MYO18B: variants seen among roughly 807,000 people sequenced by gnomAD.
MYO18B encodes the protein unconventional myosin-XVIIIb.
In MYO18B, 204 loss-of-function variants were observed where a neutral mutation model predicts 273.0. That is an observed-to-expected ratio of 0.75 (90% CI 0.67 to 0.84). The LOEUF (loss-of-function observed/expected upper bound fraction) is 0.84. Ranked by LOEUF, MYO18B falls within the 40% of genes least tolerant of loss-of-function variation. The pLI is 0.00. For missense variants in MYO18B, 3,212 were observed against 3,287.6 expected, an observed-to-expected ratio of 0.98 and a Z score of 0.56; for synonymous variants, 1,330 against 1,305.7, an observed-to-expected ratio of 1.02 and a Z score of -0.40.
At chr22:25,908,494 C>G in intron 32 of MYO18B, 62 bp downstream of exon 32, 1 of 1,396,092 alleles carries the variant, frequency 7.2e-7, no homozygotes, top group East Asian at 2.5e-5. Flanking sequence ...TGGATTCCCT[C>G]TTCCTTAGAG....
chr22:25,811,231 C>T (rs2088743374), intron 12 of MYO18B, among the ~76,000 whole-genome samples: 1 of 150,234 alleles, frequency 6.7e-6, no homozygotes, highest in Non-Finnish European at 1.5e-5. Flanking sequence ...CCATGTTGGT[C>T]AGGTTGGTCT....
intron 9 of MYO18B, among the ~76,000 whole-genome samples, chr22:25,780,472 C>G (rs1569008199): frequency 6.6e-6 from 1 of 151,760 alleles, no homozygotes; most frequent in Non-Finnish European, 1.5e-5. Context: ...TGCCTGTAAT[C>G]TCAGCTACTC....
chr22:25,997,058 C>G (rs537408215), intron 40 of MYO18B, among the ~76,000 whole-genome samples: 41 of 152,008 alleles, frequency 2.7e-4, no homozygotes, highest in Non-Finnish European at 5.4e-4. Flanking sequence ...CGCGGTGGCT[C>G]ATGTCTGTAA....
At chr22:25,773,458 G>GTATT (rs373549961) in intron 7 of MYO18B, among the ~76,000 whole-genome samples, 1 of 151,990 alleles carries the variant, frequency 6.6e-6, no homozygotes, top group Non-Finnish European at 1.5e-5. Context: ...GCTACTATGG[G>GTATT]TATTTATTTA....
At chr22:25,817,705 G>A (rs917604160) in intron 12 of MYO18B, among the ~76,000 whole-genome samples, 3 of 152,194 alleles carry the variant, frequency 2.0e-5, no homozygotes, top group Non-Finnish European at 4.4e-5. Flanking sequence ...AACTAAGTCT[G>A]AACAGAATTT....
In MYO18B at chr22:25,955,162, GT is replaced by G; in HGVS notation, c.5971-16del. Reference sequence around the variant, plus strand: ...GCCTCCAACTCCAAGGTGGGCATGTGTCTCTGCCCCTCCCAGGTCCTGGTGA... The same window carrying G: ...GCCTCCAACTCCAAGGTGGGCATGTGCTCTGCCCCTCCCAGGTCCTGGTGA... On this transcript the variant is annotated splice_polypyrimidine_tract_variant and intron_variant, in intron 38 of 43. Coordinates refer to ENST00000335473, the MANE Select transcript of MYO18B (RefSeq NM_032608.7). 1 of 1,581,600 alleles carries G rather than the reference GT, an allele frequency of 6.3e-7. No individual in the cohort carries two copies. Among genetic ancestry groups the G allele is most frequent in the Non-Finnish European group, 8.6e-7 (1 of 1,161,756 alleles).
intron 25 of MYO18B, among the ~76,000 whole-genome samples, chr22:25,878,950 G>A (rs1253294204): frequency 1.3e-5 from 2 of 152,192 alleles, no homozygotes; most frequent in East Asian, 3.8e-4. Flanking sequence ...CCTTTGTCCT[G>A]TTGAAGGAAT....
At chr22:25,792,497 C>CTTTTTTTTTTTTTTTTTTTTTTTTTTT (rs58679561) in intron 11 of MYO18B, among the ~76,000 whole-genome samples, 2 of 107,956 alleles carry the variant, frequency 1.9e-5, no homozygotes, top group Non-Finnish European at 3.4e-5. Flanking sequence ...TTTTTCTTTT[C>CTTTTTTTTTTTTTTTTTTTTTTTTTTT]TTTTTTTTTT....
At position 25,793,026 on chromosome 22, in the gene MYO18B, G is replaced by A. The variant is rs543998067; in HGVS notation, c.2377-4927G>A. Among the ~76,000 whole-genome samples, 5 of 152,320 alleles carry A rather than the reference G, an allele frequency of 3.3e-5. No homozygotes were observed. In the East Asian group the frequency reaches 9.7e-4, roughly 29 times the overall value. ...CGATTAACTTGTTATAGAGTATGGG[G>A]CATCAACTTGGGCAGCAATGGGGAA... On this transcript the variant is annotated intron_variant, in intron 11 of 43. Transcript: ENST00000335473.
At chr22:25,899,814 T>TCAGATGAGTGACTGATGGTC (rs1357095475) in intron 29 of MYO18B, 1 of 151,980 alleles carries the variant, frequency 6.6e-6, no homozygotes, top group Admixed American at 6.6e-5. Context: ...GACTGATGGT[T>TCAGATGAGTGACTGATGGTC]CAGATGGTGC....
chr22:26,057,895 G>A, the MYO18B span, among the ~76,000 whole-genome samples: 3 of 152,140 alleles, frequency 2.0e-5, no homozygotes, highest in African/African-American at 7.2e-5. Flanking sequence ...CAGAGGGAGG[G>A]CAGATAAGTA....
At chr22:25,862,217 A>G (rs753571611) in intron 21 of MYO18B, among the ~76,000 whole-genome samples, 12 of 152,180 alleles carry the variant, frequency 7.9e-5, no homozygotes, top group Non-Finnish European at 1.8e-4. Flanking sequence ...AGATTTTTGT[A>G]TCCTTTGGCG....
chr22:25,966,671 A>T (rs540356435), intron 39 of MYO18B, among the ~76,000 whole-genome samples: 26 of 152,270 alleles, frequency 1.7e-4, no homozygotes, highest in African/African-American at 6.3e-4. Context: ...ATGCTCAGAG[A>T]GCTGACAGGG....
At chr22:25,743,429 G>C (rs1439645388) in intron 1 of MYO18B, among the ~76,000 whole-genome samples, 2 of 152,038 alleles carry the variant, frequency 1.3e-5, no homozygotes, top group East Asian at 3.9e-4. Flanking sequence ...TTAGGCTATG[G>C]ATGAGTTCTA....
chr22:25,883,460 G>A lies in MYO18B; in HGVS notation c.4314+5412G>A, dbSNP rs1378624078. 1 of 152,208 alleles carries A rather than the reference G, an allele frequency of 6.6e-6. No individual in the cohort carries two copies. Among genetic ancestry groups the A allele is most frequent in the Non-Finnish European group, 1.5e-5 (1 of 68,048 alleles). 9.4% of individuals were successfully genotyped at this position (152,208 alleles called of 1,614,324 possible). A position where few individuals can be genotyped will look rare whatever the true frequency, so the allele number is the denominator to read the frequency against. ...TTAGAGATTCTGAATCAGTAGGCTTGGCGTGGCCTTGGGGAGGCTGTATTT... is the reference window on the plus strand; with the variant it reads ...TTAGAGATTCTGAATCAGTAGGCTTAGCGTGGCCTTGGGGAGGCTGTATTT... On this transcript the variant is annotated intron_variant, in intron 25 of 43. Coordinates refer to ENST00000335473, the MANE Select transcript of MYO18B (RefSeq NM_032608.7). This position sits in a 1 kb window ranked among gnomAD's most constrained non-coding sequence, Gnocchi z 7.6.
At chr22:26,039,010 C>T in the MYO18B span, among the ~76,000 whole-genome samples, 1 of 152,152 alleles carries the variant, frequency 6.6e-6, no homozygotes, top group African/African-American at 2.4e-5. Context: ...ATTATTGTGG[C>T]TGTTAATATC....
chr22:26,000,940 A>G (rs1356354289), intron 40 of MYO18B, among the ~76,000 whole-genome samples: 1 of 152,000 alleles, frequency 6.6e-6, no homozygotes, highest in African/African-American at 2.4e-5. Flanking sequence ...AAAATGTAGG[A>G]TTAATAAGCA....
At chr22:25,860,991 C>T (rs191520077) in intron 21 of MYO18B, among the ~76,000 whole-genome samples, 113 of 151,968 alleles carry the variant, frequency 7.4e-4, no homozygotes, top group Middle Eastern at 3.4e-3. Context: ...TGGGCTCAAG[C>T]GATCCTCCTA....
At chr22:25,985,282 AC>A (rs1301725335) in intron 39 of MYO18B, among the ~76,000 whole-genome samples, 2 of 152,092 alleles carry the variant, frequency 1.3e-5, no homozygotes, top group Non-Finnish European at 2.9e-5. Flanking sequence ...AATTGCTTGA[AC>A]CTGGGAGGCA....
Sources: allele counts gnomAD v4.1 joint callset (sites outside exome capture counted in the v4.1 genomes callset), GRCh38; gene constraint gnomAD v4.1.1; non-coding constraint Gnocchi (gnomAD v3.1); transcripts MANE v1.5; gene names NCBI Gene and HGNC (gene_info 2026-07-23, HGNC 2026-07-21).